ABHD18: variants seen among roughly 807,000 people sequenced by gnomAD.
ABHD18 encodes cardiolipin-specific deacylase, mitochondrial.
ABHD18 carries 55 observed loss-of-function variants against 65.9 expected under a neutral mutation model. That is an observed-to-expected ratio of 0.84 (90% CI 0.67 to 1.05). ABHD18 has a LOEUF of 1.05. Among genes scored for constraint, ABHD18 ranks in the 50% least tolerant of loss-of-function variants. The pLI, the probability that ABHD18 is intolerant of heterozygous loss-of-function variation, is 0.00. For missense variants in ABHD18, 533 were observed against 558.5 expected (o/e 0.95, Z 0.46); for synonymous variants, 181 against 180.2 (o/e 1.00, Z -0.04).
intron 4 of ABHD18, among the ~76,000 whole-genome samples, chr4:127,990,661 C>T (rs957083147): frequency 4.6e-5 from 7 of 151,872 alleles, no homozygotes; most frequent in South Asian, 2.1e-4. Flanking sequence ...AATTAAGAAA[C>T]GTGGTAACTT....
rs565419760 is a variant in ABHD18 at position 128,035,071 on chromosome 4, T to C, written c.1344-691T>C. ...TAGTAAATGAAAAACATCTATATCA[T>C]AATCTGTGAAACAGAATCTTACATT... On this transcript the variant is annotated intron_variant, in intron 12 of 12. Transcript: ENST00000645843. 6.6e-4 allele frequency among the ~76,000 whole-genome samples: 100 copies of C among 152,328 alleles called. 1 individual carries two copies. Among genetic ancestry groups the C allele is most frequent in the Admixed American group, 1.2e-3 (19 of 15,274 alleles).
chr4:128,014,346 C>T (rs576144248), intron 7 of ABHD18, among the ~76,000 whole-genome samples: 1 of 152,154 alleles, frequency 6.6e-6, no homozygotes, highest in South Asian at 2.1e-4. Context: ...TTTACCTTAT[C>T]CATAAATTGG....
intron 1 of ABHD18, among the ~76,000 whole-genome samples, chr4:127,976,812 C>T (rs1224104331): frequency 6.6e-6 from 1 of 152,078 alleles, no homozygotes; most frequent in Non-Finnish European, 1.5e-5. Context: ...AAGACCAAGG[C>T]GGGCGGATCA....
chr4:127,980,246 C>T (rs749814436), intron 1 of ABHD18, among the ~76,000 whole-genome samples: 31 of 152,096 alleles, frequency 2.0e-4, no homozygotes, highest in Non-Finnish European at 3.8e-4. Flanking sequence ...AAAGTGAGTT[C>T]GATTCTCTAT....
At chr4:128,011,743 T>C (rs748314769) in intron 7 of ABHD18, 43 bp downstream of exon 7, 2 of 1,444,224 alleles carry the variant, frequency 1.4e-6, no homozygotes, top group South Asian at 1.4e-5. Flanking sequence ...TTTTACCCAA[T>C]ATCCAGCAGT....
intron 4 of ABHD18, among the ~76,000 whole-genome samples, chr4:128,002,609 A>AAAAGAC (rs1370089437): frequency 6.7e-6 from 1 of 149,820 alleles, no homozygotes; most frequent in East Asian, 2.0e-4. Context: ...AAGAAAAAGA[A>AAAAGAC]AAAAAAAAGA....
At chr4:128,035,262 T>A (rs1344809705) in intron 12 of ABHD18, among the ~76,000 whole-genome samples, 1 of 152,306 alleles carries the variant, frequency 6.6e-6, no homozygotes, top group East Asian at 1.9e-4. Context: ...CAGAAAAAGA[T>A]AATGCTTTTA....
At chr4:127,977,249 G>T (rs566032972) in intron 1 of ABHD18, among the ~76,000 whole-genome samples, 1 of 149,402 alleles carries the variant, frequency 6.7e-6, no homozygotes, top group African/African-American at 2.4e-5. Flanking sequence ...GAGGCAGGTG[G>T]ATCACCTGAG....
intron 1 of ABHD18, among the ~76,000 whole-genome samples, chr4:127,974,446 A>C (rs1747506527): frequency 6.6e-6 from 1 of 151,954 alleles, no homozygotes; most frequent in Non-Finnish European, 1.5e-5. Flanking sequence ...ATCTTGGCTC[A>C]CTGTAGCCTC....
intron 4 of ABHD18, among the ~76,000 whole-genome samples, chr4:128,000,321 C>T (rs915472209): frequency 6.6e-6 from 1 of 152,166 alleles, no homozygotes; most frequent in Non-Finnish European, 1.5e-5. Flanking sequence ...GGAATGGGTC[C>T]AATTTCAATC....
At position 127,990,124 on chromosome 4, in the gene ABHD18, T is replaced by G. The variant is rs182658392; in HGVS notation, c.278+303T>G. Reference sequence around the variant, plus strand: ...AAATATGGTCACAATGTGTGAAAGTTTAAGAAGATAATACAAATGATTTTT... The same window carrying G: ...AAATATGGTCACAATGTGTGAAAGTGTAAGAAGATAATACAAATGATTTTT... On this transcript the variant is annotated intron_variant, in intron 4 of 12. Transcript: ENST00000645843. Among the ~76,000 whole-genome samples, 3 of 152,306 alleles carry G rather than the reference T, an allele frequency of 2.0e-5. No individual in the cohort carries two copies. In the East Asian group the frequency reaches 5.8e-4, roughly 29 times the overall value.
rs200990596 is a variant in ABHD18, at chr4:127,967,721, AG to A, written c.-18+2116del. 1.1e-4 allele frequency among the ~76,000 whole-genome samples: 16 copies of A among 151,778 alleles called. 1 individual carries two copies. The highest frequency in any genetic ancestry group is 1.6e-4 in the Non-Finnish European group (11 of 67,832). On this transcript the variant is annotated intron_variant, in intron 1 of 12. Transcript: ENST00000645843. ...TTGTACCAGTAGGAAAAAAAAAAAA[AG>A]AAAATGTCTCTTAGGAACACACACA...
In ABHD18 at chr4:128,007,280, C is replaced by T. The variant is rs568165035; in HGVS notation, c.279-1640C>T. 6.0e-5 allele frequency among the ~76,000 whole-genome samples: 9 copies of T among 148,884 alleles called. No individual in the cohort carries two copies. The East Asian group carries it at 1.8e-3, about 29-fold the overall frequency. On this transcript the variant is annotated intron_variant, in intron 4 of 12. Coordinates refer to ENST00000645843, the MANE Select transcript of ABHD18 (RefSeq NM_001358451.3). ...GCTGCAGTGAGCTGTAATTGTGTCA[C>T]CGCACAATTGTGTCACCCAATTATG...
At chr4:127,993,581 AAG>A (rs1560856949) in intron 4 of ABHD18, among the ~76,000 whole-genome samples, 2 of 152,320 alleles carry the variant, frequency 1.3e-5, no homozygotes, top group Admixed American at 6.5e-5. Flanking sequence ...AATAAGAAAA[AAG>A]AAAAAAAAAT....
chr4:127,995,223 C>T (rs1189004610), intron 4 of ABHD18, among the ~76,000 whole-genome samples: 1 of 152,156 alleles, frequency 6.6e-6, no homozygotes, highest in African/African-American at 2.4e-5. Context: ...TAAACTGCTC[C>T]AGGCTTTCAT....
chr4:128,011,370 G>C (rs974427046), intron 6 of ABHD18, among the ~76,000 whole-genome samples: 2 of 151,668 alleles, frequency 1.3e-5, no homozygotes, highest in Non-Finnish European at 2.9e-5. Context: ...GGATGGTCTC[G>C]ATCTCCTGAC....
chr4:128,024,106 C>A (rs1277898014), intron 10 of ABHD18, among the ~76,000 whole-genome samples: 2 of 152,130 alleles, frequency 1.3e-5, no homozygotes, highest in Non-Finnish European at 2.9e-5. Flanking sequence ...ATATGTGGCT[C>A]ACAGTTCTGG....
intron 7 of ABHD18, among the ~76,000 whole-genome samples, chr4:128,016,934 T>C (rs1308457087): frequency 1.3e-5 from 2 of 152,202 alleles, no homozygotes; most frequent in African/African-American, 2.4e-5. Flanking sequence ...TTTTCTCTTT[T>C]TGAGACAGGG....
At chr4:127,982,210 T>A (rs1029926168) in intron 1 of ABHD18, among the ~76,000 whole-genome samples, 2 of 152,200 alleles carry the variant, frequency 1.3e-5, no homozygotes, top group African/African-American at 4.8e-5. Flanking sequence ...CAGATTTTCA[T>A]TTTTCATTTA....
Sources: gnomAD v4.1 joint callset for allele counts (sites outside exome capture counted in the v4.1 genomes callset) on GRCh38, gnomAD v4.1.1 for gene constraint, MANE v1.5 for transcripts, NCBI Gene and HGNC (gene_info 2026-07-23, HGNC 2026-07-21) for gene names.